The following SCG5 variants were observed in gnomAD, a reference collection of about 807,000 sequenced individuals.
SCG5 encodes the protein secretogranin V.
SCG5 carries 18 observed loss-of-function variants against 25.7 expected under a neutral mutation model. That is an observed-to-expected ratio of 0.70 (90% CI 0.48 to 1.04). SCG5 has a LOEUF of 1.04. Ranked by LOEUF, SCG5 falls within the 50% of genes least tolerant of loss-of-function variation. The pLI is 0.00. For missense variants in SCG5, 206 were observed against 259.8 expected, an observed-to-expected ratio of 0.79 and a Z score of 1.42; for synonymous variants, 101 against 91.7, an observed-to-expected ratio of 1.10 and a Z score of -0.58.
rs151127605 is a variant in SCG5 at position 32,696,723 on chromosome 15, G to A, written c.*114G>A. On this transcript the variant is annotated 3_prime_UTR_variant, in exon 6 of 6. Coordinates refer to ENST00000300175, the MANE Select transcript of SCG5 (RefSeq NM_001144757.3). ...GCATGTTTCTTACATAGATAATTAT[G>A]GATACAAAGCAGCTGTATGTAGATA... The A allele has an allele frequency of 1.3e-5, 9 of 673,504 alleles. No individual in the cohort carries two copies. The highest frequency in any genetic ancestry group is 4.9e-4 in the Middle Eastern group (2 of 4,114). The allele number at this position is 673,504 out of a possible 1,614,324, so 41.7% of individuals were successfully genotyped here. A position where few individuals can be genotyped will look rare whatever the true frequency, so the allele number is the denominator to read the frequency against.
rs56235349 is a variant in SCG5 at position 32,670,482 on chromosome 15, A to C, written c.227-9284A>C. On this transcript the variant is annotated intron_variant, in intron 2 of 5. Transcript: ENST00000300175. ...CTGTGTGCTTTGGGGGTCACTTGTCATGTGAGTTTAGAGAATGTGGATATT... is the reference window on the plus strand; with the variant it reads ...CTGTGTGCTTTGGGGGTCACTTGTCCTGTGAGTTTAGAGAATGTGGATATT... 7.6e-3 allele frequency among the ~76,000 whole-genome samples: 1,163 copies of C among 152,352 alleles called. 14 individuals are homozygous for C. Among genetic ancestry groups the C allele is most frequent in the African/African-American group, 0.027 (1,114 of 41,588 alleles).
At chr15:32,645,412 A>C (rs1480070386) in intron 2 of SCG5, among the ~76,000 whole-genome samples, 3 of 152,210 alleles carry the variant, frequency 2.0e-5, no homozygotes, top group Admixed American at 6.5e-5. Context: ...GGCACTAGGC[A>C]GGAGACTGGT....
At chr15:32,670,942 G>T (rs997240628) in intron 2 of SCG5, among the ~76,000 whole-genome samples, 32 of 152,168 alleles carry the variant, frequency 2.1e-4, no homozygotes, top group African/African-American at 7.5e-4. Flanking sequence ...TCTGTTAATT[G>T]TGCTGTTAGG....
intron 2 of SCG5, among the ~76,000 whole-genome samples, chr15:32,661,826 G>A (rs901381313): frequency 5.9e-5 from 9 of 152,020 alleles, no homozygotes; most frequent in African/African-American, 1.2e-4. Context: ...GATAATAAAA[G>A]CTGTCGTGGA....
chr15:32,674,326 GT>G (rs1436989486), intron 2 of SCG5, among the ~76,000 whole-genome samples: 1 of 152,036 alleles, frequency 6.6e-6, no homozygotes, highest in Non-Finnish European at 1.5e-5. Flanking sequence ...TTCGGATTTT[GT>G]TTTTTATGCA....
At chr15:32,660,344 C>G (rs562762292) in intron 2 of SCG5, among the ~76,000 whole-genome samples, 10 of 152,284 alleles carry the variant, frequency 6.6e-5, no homozygotes, top group African/African-American at 2.4e-4. Context: ...GCCTGCCTAC[C>G]CACCCAGGCC....
At chr15:32,695,039 G>A (rs1271891245) in intron 5 of SCG5, among the ~76,000 whole-genome samples, 2 of 149,356 alleles carry the variant, frequency 1.3e-5, no homozygotes, top group African/African-American at 2.5e-5. Context: ...TTTTTGAGAT[G>A]GAGTCTCGCT....
At chr15:32,653,641 G>C (rs949121926) in intron 2 of SCG5, among the ~76,000 whole-genome samples, 2 of 152,186 alleles carry the variant, frequency 1.3e-5, no homozygotes, top group Admixed American at 1.3e-4. Context: ...GGCAAGAGTT[G>C]ATAATTTTGA....
At chr15:32,664,673 C>A (rs1478894779) in intron 2 of SCG5, among the ~76,000 whole-genome samples, 1 of 152,192 alleles carries the variant, frequency 6.6e-6, no homozygotes, top group African/African-American at 2.4e-5. Flanking sequence ...AAATCCACCT[C>A]CAGGAGCAGT....
chr15:32,692,951 G>A (rs557046994), intron 5 of SCG5, among the ~76,000 whole-genome samples: 2 of 152,240 alleles, frequency 1.3e-5, no homozygotes, highest in South Asian at 4.2e-4. Flanking sequence ...TCTTTTTTGA[G>A]GAGAGTTAAC....
intron 2 of SCG5, among the ~76,000 whole-genome samples, chr15:32,664,613 G>A (rs2054289162): frequency 1.3e-5 from 2 of 152,192 alleles, no homozygotes; most frequent in South Asian, 4.1e-4. Flanking sequence ...TTAGGTTCCA[G>A]GCCTTGGAAG....
At chr15:32,682,603 T>C (rs574662956) in intron 3 of SCG5, among the ~76,000 whole-genome samples, 124 of 152,228 alleles carry the variant, frequency 8.1e-4, no homozygotes, top group Non-Finnish European at 1.5e-3. Flanking sequence ...CCAGACACTT[T>C]CTTGTCACAG....
At chr15:32,672,621 C>T (rs2054450520) in intron 2 of SCG5, among the ~76,000 whole-genome samples, 1 of 129,180 alleles carries the variant, frequency 7.7e-6, no homozygotes, top group African/African-American at 2.5e-5. Context: ...GGTCATTCTA[C>T]TAACTGTGGC....
At chr15:32,680,204 T>C (rs1278238251) in intron 3 of SCG5, among the ~76,000 whole-genome samples, 1 of 150,188 alleles carries the variant, frequency 6.7e-6, no homozygotes, top group Non-Finnish European at 1.5e-5. Context: ...CTTTTTTTTT[T>C]TTTTTTTTTG....
At chr15:32,662,297 A>C (rs1373563005) in intron 2 of SCG5, among the ~76,000 whole-genome samples, 2 of 152,162 alleles carry the variant, frequency 1.3e-5, no homozygotes, top group African/African-American at 2.4e-5. Flanking sequence ...TGCTTTCTGT[A>C]AGTGTTGGAC....
rs370176611 is a variant in SCG5 at position 32,643,796 on chromosome 15, T to C, written c.204T>C (p.Leu68=). The change falls in exon 2 of 6, where the codon CTT becomes CTC. Residue 68 remains leucine (L), a synonymous_variant. Transcript: ENST00000300175. The part of the protein sequence containing the change: ...VEYPAHQAMN[L]VGPQSIEGGA... ...ATCCAGCTCACCAGGCCATGAATCT[T>C]GTGGGCCCCCAGAGCATTGAAGGTA... 3.1e-5 allele frequency: 50 copies of C among 1,613,740 alleles called. No individual in the cohort carries two copies. The African/African-American group carries it at 5.5e-4, about 18-fold the overall frequency.
chr15:32,665,908 C>T (rs1012157735), intron 2 of SCG5: 1 of 152,058 alleles, frequency 6.6e-6, no homozygotes, highest in African/African-American at 2.4e-5. Flanking sequence ...AAACTCTGAA[C>T]AAATCAATCC....
At chr15:32,654,515 G>C (rs1369281099) in intron 2 of SCG5, among the ~76,000 whole-genome samples, 1 of 152,172 alleles carries the variant, frequency 6.6e-6, no homozygotes, top group Non-Finnish European at 1.5e-5. Flanking sequence ...ACATCACACT[G>C]CTTCTTTGGC....
At chr15:32,660,455 C>A (rs915886750) in intron 2 of SCG5, among the ~76,000 whole-genome samples, 1 of 152,200 alleles carries the variant, frequency 6.6e-6, no homozygotes, top group African/African-American at 2.4e-5. Context: ...GACCATCAGC[C>A]TCTCTCCAGT....
Sources: allele counts gnomAD v4.1 joint callset (sites outside exome capture counted in the v4.1 genomes callset), GRCh38; gene constraint gnomAD v4.1.1; transcripts MANE v1.5; gene names NCBI Gene and HGNC (gene_info 2026-07-23, HGNC 2026-07-21).